Variants in CNTNAP5 observed in about 807,000 individuals in gnomAD.
CNTNAP5 encodes contactin-associated protein-like 5.
CNTNAP5 carries 72 observed loss-of-function variants against 150.2 expected under a neutral mutation model. That is an observed-to-expected ratio of 0.48 (90% confidence interval 0.40 to 0.58). The LOEUF (loss-of-function observed/expected upper bound fraction) is 0.58. Among genes scored for constraint, CNTNAP5 ranks in the 20% least tolerant of loss-of-function variants. CNTNAP5 has a pLI of 0.00. For missense variants in CNTNAP5, 1,636 were observed against 1,626.2 expected, an observed-to-expected ratio of 1.01 and a Z score of -0.10; for synonymous variants, 672 against 619.8, an observed-to-expected ratio of 1.08 and a Z score of -1.25.
chr2:124,641,674 T>G (rs1176475234), intron 12 of CNTNAP5, among the ~76,000 whole-genome samples: 1 of 152,172 alleles, frequency 6.6e-6, no homozygotes, highest in South Asian at 2.1e-4. Flanking sequence ...ATAGACTTGC[T>G]CTATTACAAT....
At chr2:124,547,384 A>C (rs765433297) in intron 10 of CNTNAP5, among the ~76,000 whole-genome samples, 22 of 152,190 alleles carry the variant, frequency 1.4e-4, no homozygotes, top group Non-Finnish European at 2.4e-4. Context: ...TTAAAGACTG[A>C]ATTTTGTGGT....
At chr2:124,335,696 A>G (rs1027729301) in intron 3 of CNTNAP5, among the ~76,000 whole-genome samples, 1 of 151,746 alleles carries the variant, frequency 6.6e-6, no homozygotes, top group Non-Finnish European at 1.5e-5. Context: ...CACTCACTCA[A>G]CTGGATTTTG....
At chr2:124,557,014 C>CA (rs760593368) in intron 10 of CNTNAP5, among the ~76,000 whole-genome samples, 2,699 of 128,494 alleles carry the variant, frequency 0.021, 28 homozygotes, top group Middle Eastern at 0.034. Flanking sequence ...CCCCCCCGCT[C>CA]AAAAAAAAAA....
chr2:124,118,718 A>T (rs1360482142), intron 1 of CNTNAP5, among the ~76,000 whole-genome samples: 2 of 152,158 alleles, frequency 1.3e-5, no homozygotes, highest in African/African-American at 4.8e-5. Context: ...GGAGAGGAGG[A>T]GGACCAACAT....
chr2:124,286,814 C>G (rs1688164274), intron 3 of CNTNAP5, among the ~76,000 whole-genome samples: 1 of 152,202 alleles, frequency 6.6e-6, no homozygotes, highest in Non-Finnish European at 1.5e-5. Flanking sequence ...TAGCTGTTCT[C>G]TTTCAGCAGC....
At chr2:124,758,919 G>C (rs553059367) in intron 14 of CNTNAP5, among the ~76,000 whole-genome samples, 10 of 152,260 alleles carry the variant, frequency 6.6e-5, no homozygotes, top group Admixed American at 5.2e-4. Flanking sequence ...TGACTTTGCA[G>C]ATACCTTTGC....
intron 8 of CNTNAP5, among the ~76,000 whole-genome samples, chr2:124,505,884 A>G (rs1694394690): frequency 6.6e-6 from 1 of 151,866 alleles, no homozygotes; most frequent in Non-Finnish European, 1.5e-5. Flanking sequence ...CTGAATAAAA[A>G]CCTCCCTCTG....
At chr2:124,664,090 T>C (rs1466374554) in intron 13 of CNTNAP5, among the ~76,000 whole-genome samples, 4 of 152,192 alleles carry the variant, frequency 2.6e-5, no homozygotes, top group African/African-American at 9.7e-5. Flanking sequence ...CCAAATTTTC[T>C]TGGATATGAA....
chr2:124,400,689 GTT>G (rs3034760), intron 3 of CNTNAP5, among the ~76,000 whole-genome samples: 1 of 95,694 alleles, frequency 1.0e-5, no homozygotes, highest in Non-Finnish European at 2.2e-5. Context: ...TTTTTTTTTT[GTT>G]TTTTTTCTTT....
chr2:124,378,617 C>T (rs567287526), intron 3 of CNTNAP5, among the ~76,000 whole-genome samples: 7 of 152,162 alleles, frequency 4.6e-5, no homozygotes, highest in Admixed American at 1.3e-4. Flanking sequence ...AATTATGTTG[C>T]TGTCAGTTAG....
intron 21 of CNTNAP5, among the ~76,000 whole-genome samples, chr2:124,892,883 T>C (rs2104749820): frequency 6.6e-6 from 1 of 152,202 alleles, no homozygotes; most frequent in East Asian, 1.9e-4. Context: ...AAAATATAAA[T>C]ATGCTGTCTT....
At chr2:124,611,181 A>C (rs570650858) in intron 12 of CNTNAP5, among the ~76,000 whole-genome samples, 1 of 152,326 alleles carries the variant, frequency 6.6e-6, no homozygotes, top group South Asian at 2.1e-4. Flanking sequence ...TGCTTTCTGT[A>C]GGCAGACACT....
intron 3 of CNTNAP5, among the ~76,000 whole-genome samples, chr2:124,333,680 T>G (rs1445636485): frequency 6.6e-6 from 1 of 152,150 alleles, no homozygotes; most frequent in East Asian, 1.9e-4. Context: ...TAGATGGTTT[T>G]TCAATTCATT....
chr2:124,771,720 A>G (rs1049207849), intron 16 of CNTNAP5, among the ~76,000 whole-genome samples: 11 of 83,962 alleles, frequency 1.3e-4, no homozygotes, highest in African/African-American at 4.3e-4. Flanking sequence ...CACCTTCATC[A>G]CCACCATCAC....
chr2:124,468,510 A>G (rs968465943), intron 6 of CNTNAP5, among the ~76,000 whole-genome samples: 3 of 152,026 alleles, frequency 2.0e-5, no homozygotes, highest in Non-Finnish European at 4.4e-5. Flanking sequence ...GCAGTTGACT[A>G]GATGGGGCCC....
chr2:124,407,502 T>C (rs762893780), intron 3 of CNTNAP5, among the ~76,000 whole-genome samples: 1 of 152,108 alleles, frequency 6.6e-6, no homozygotes, highest in Admixed American at 6.5e-5. Context: ...GTATTTAACA[T>C]GGATAAGCCC....
chr2:124,108,023 G>A (rs143467867), intron 1 of CNTNAP5, among the ~76,000 whole-genome samples: 235 of 152,330 alleles, frequency 1.5e-3, no homozygotes, highest in African/African-American at 5.3e-3. Context: ...GTTGAGCATA[G>A]TGAATCTGCA....
rs536997165 is a variant in CNTNAP5, at chr2:124,790,224, T to C, written c.2992+83T>C. 10 of 1,378,602 alleles carry C rather than the reference T, an allele frequency of 7.3e-6. No individual in the cohort carries two copies. The African/African-American group carries it at 8.7e-5, about 12-fold the overall frequency. 85.4% of individuals were successfully genotyped at this position (1,378,602 alleles called of 1,614,324 possible). On this transcript the variant is annotated intron_variant, in intron 18 of 23. Transcript: ENST00000682447. The stretch of plus-strand genomic sequence containing the variant: ...GTCAGGCCATGTGATACTCACACTC[T>C]GAGACAGTCTTTATCATCTACTCTC...
intron 21 of CNTNAP5, among the ~76,000 whole-genome samples, chr2:124,885,486 G>A (rs1251527257): frequency 6.6e-6 from 1 of 151,498 alleles, no homozygotes; most frequent in Admixed American, 6.6e-5. Flanking sequence ...ACAATTCAGA[G>A]GCATTTAGTA....
Sources: allele counts gnomAD v4.1 joint callset (sites outside exome capture counted in the v4.1 genomes callset), GRCh38; gene constraint gnomAD v4.1.1; transcripts MANE v1.5; gene names NCBI Gene and HGNC (gene_info 2026-07-23, HGNC 2026-07-21).